The following UMAD1 variants were observed in gnomAD, a reference collection of about 807,000 sequenced individuals.
The protein encoded by UMAD1 is UBAP1-MVB12-associated (UMA)-domain containing protein 1.
Under a neutral mutation model 6.1 loss-of-function variants are expected in UMAD1, and 8 were observed. The ratio of observed to expected loss-of-function variants is 1.30; its 90% CI spans 0.76 to 2.35. The LOEUF (loss-of-function observed/expected upper bound fraction) is 2.35, where lower values mean the gene tolerates loss of function less well. UMAD1 is among the 30% of genes most tolerant of loss of function. The pLI is 0.00. For missense variants in UMAD1, 130 were observed against 78.4 expected (o/e 1.66, Z -2.49); for synonymous variants, 56 against 31.4 (o/e 1.78, Z -2.61).
intron 2 of UMAD1, among the ~76,000 whole-genome samples, chr7:7,792,944 A>C (rs997211066): frequency 6.6e-6 from 1 of 152,158 alleles, no homozygotes; most frequent in Non-Finnish European, 1.5e-5. Flanking sequence ...TGAGGGCTCC[A>C]TCCTCATGAC....
intron 2 of UMAD1, among the ~76,000 whole-genome samples, chr7:7,743,090 A>T (rs1781505686): frequency 6.6e-6 from 1 of 152,172 alleles, no homozygotes; most frequent in South Asian, 2.1e-4. Flanking sequence ...CTTTTAGTTT[A>T]TTCACATGAA....
chr7:7,796,546 C>T lies in UMAD1; in HGVS notation c.83-5124C>T, dbSNP rs548584598. Among the ~76,000 whole-genome samples the T allele has an allele frequency of 1.6e-4, 25 of 152,170 alleles. 2 individuals carry two copies. In the South Asian group the frequency reaches 4.4e-3, roughly 26 times the overall value. ...GATTACAGGCGTGAGCCACCGTGCC[C>T]GGCCGACCCATTTCTTTGTAACCAA... On this transcript the variant is annotated intron_variant, in intron 2 of 3. Transcript: ENST00000682710.
chr7:7,835,768 C>G (rs560653035), intron 3 of UMAD1, among the ~76,000 whole-genome samples: 6 of 151,678 alleles, frequency 4.0e-5, no homozygotes, highest in Non-Finnish European at 7.4e-5. Context: ...CATCAGTTAT[C>G]TTATTTTAGG....
chr7:7,725,194 A>G (rs934291671), intron 2 of UMAD1, among the ~76,000 whole-genome samples: 1 of 152,182 alleles, frequency 6.6e-6, no homozygotes, highest in South Asian at 2.1e-4. Flanking sequence ...GGTACAACAC[A>G]TGGTGGGCCT....
rs571847028 is a variant in UMAD1, at chr7:7,826,830, AAAG to A, written c.156+25099_156+25101del. Among the ~76,000 whole-genome samples the A allele has an allele frequency of 9.4e-4, 143 of 152,284 alleles. 1 individual carries two copies. Among genetic ancestry groups the A allele is most frequent in the Non-Finnish European group, 1.7e-3 (116 of 68,020 alleles). ...CCCATCACCATACTTACCTGTAATT[AAAG>A]AAGAAGAAGAAACGTCCACCAATAC... On this transcript the variant is annotated intron_variant, in intron 3 of 3. Coordinates refer to ENST00000682710, the MANE Select transcript of UMAD1 (RefSeq NM_001302348.2).
At chr7:7,763,776 G>A (rs1307116811) in intron 2 of UMAD1, among the ~76,000 whole-genome samples, 1 of 152,010 alleles carries the variant, frequency 6.6e-6, no homozygotes, top group African/African-American at 2.4e-5. Context: ...AACAGTTCAG[G>A]TTTACTTGAC....
chr7:7,841,828 A>G (rs528727056), intron 3 of UMAD1, among the ~76,000 whole-genome samples: 32 of 152,318 alleles, frequency 2.1e-4, no homozygotes, highest in African/African-American at 6.7e-4. Context: ...AGCTTGCTAT[A>G]AAGAGACATA....
At chr7:7,862,867 C>T (rs1477521782) in intron 3 of UMAD1, among the ~76,000 whole-genome samples, 2 of 152,076 alleles carry the variant, frequency 1.3e-5, no homozygotes, top group Admixed American at 1.3e-4. Context: ...AAAATTATTT[C>T]GCTTGATGGA....
intron 1 of UMAD1, among the ~76,000 whole-genome samples, chr7:7,672,778 A>G (rs1779639448): frequency 6.6e-6 from 1 of 152,166 alleles, no homozygotes; most frequent in Non-Finnish European, 1.5e-5. Context: ...TCAGTCGAGG[A>G]TATTTCTTCA....
chr7:7,653,774 C>T (rs773617651), intron 1 of UMAD1, among the ~76,000 whole-genome samples: 4 of 152,110 alleles, frequency 2.6e-5, no homozygotes, highest in South Asian at 4.1e-4. Flanking sequence ...CCACCAGGGG[C>T]GGTTTTGTCC....
At chr7:7,768,527 C>G (rs1300251584) in intron 2 of UMAD1, among the ~76,000 whole-genome samples, 1 of 152,180 alleles carries the variant, frequency 6.6e-6, no homozygotes, top group Non-Finnish European at 1.5e-5. Flanking sequence ...TGCTCATCCT[C>G]CGAGATTAAA....
At chr7:7,754,373 T>A (rs1300999539) in intron 2 of UMAD1, among the ~76,000 whole-genome samples, 1 of 152,240 alleles carries the variant, frequency 6.6e-6, no homozygotes, top group African/African-American at 2.4e-5. Flanking sequence ...TGAGTACCTT[T>A]TTATGTGCCT....
intron 1 of UMAD1, among the ~76,000 whole-genome samples, chr7:7,653,734 G>C (rs888403792): frequency 2.0e-5 from 3 of 152,184 alleles, no homozygotes; most frequent in Non-Finnish European, 4.4e-5. Context: ...TGTTGAAAAA[G>C]AAGTCCCTTT....
chr7:7,782,094 C>T (rs529573755), intron 2 of UMAD1, among the ~76,000 whole-genome samples: 1 of 152,160 alleles, frequency 6.6e-6, no homozygotes, highest in Admixed American at 6.5e-5. Flanking sequence ...CATTATACTA[C>T]TCTATACTTT....
intron 2 of UMAD1, among the ~76,000 whole-genome samples, chr7:7,787,149 A>G (rs1040003300): frequency 6.6e-6 from 1 of 152,188 alleles, no homozygotes; most frequent in African/African-American, 2.4e-5. Flanking sequence ...TATGATGGGG[A>G]TTTAATGAAG....
At chr7:7,804,974 C>T (rs10214931) in intron 3 of UMAD1, among the ~76,000 whole-genome samples, 129,298 of 151,996 alleles carry the variant, frequency 0.85, 55,148 homozygotes, top group East Asian at 1. Context: ...GAGCGGAACT[C>T]CTTCTCAAGA....
intron 3 of UMAD1, among the ~76,000 whole-genome samples, chr7:7,836,422 A>G (rs1226802158): frequency 6.6e-6 from 1 of 151,958 alleles, no homozygotes; most frequent in East Asian, 1.9e-4. Flanking sequence ...AGTAGGGAAT[A>G]TGTTTTATCT....
intron 2 of UMAD1, among the ~76,000 whole-genome samples, chr7:7,752,571 T>C (rs948889281): frequency 6.6e-6 from 1 of 152,128 alleles, no homozygotes; most frequent in African/African-American, 2.4e-5. Context: ...AAACCCGACA[T>C]GAGTTGTGAA....
At chr7:7,851,784 C>G (rs1783922759) in intron 3 of UMAD1, among the ~76,000 whole-genome samples, 1 of 152,068 alleles carries the variant, frequency 6.6e-6, no homozygotes, top group Non-Finnish European at 1.5e-5. Context: ...GATGCAAGTC[C>G]TTTATCAAAT....
Sources: allele counts gnomAD v4.1 joint callset (sites outside exome capture counted in the v4.1 genomes callset), GRCh38; gene constraint gnomAD v4.1.1; transcripts MANE v1.5; gene names NCBI Gene and HGNC (gene_info 2026-07-23, HGNC 2026-07-21).